Variants in ME3 observed in about 807,000 individuals in gnomAD.
ME3 encodes the protein malic enzyme 3, also known as NADP-dependent malic enzyme, mitochondrial.
ME3 carries 48 observed loss-of-function variants against 68.9 expected under a neutral mutation model. The ratio of observed to expected loss-of-function variants is 0.70; its 90% CI spans 0.55 to 0.89. The LOEUF (loss-of-function observed/expected upper bound fraction) is 0.89, where lower values mean the gene tolerates loss of function less well. Among genes scored for constraint, ME3 ranks in the 40% least tolerant of loss-of-function variants. The pLI is 0.00. For missense variants in ME3, 675 were observed against 797.4 expected (o/e 0.85, Z 1.85); for synonymous variants, 320 against 318.8 (o/e 1.00, Z -0.04).
chr11:86,634,367 C>T (rs1944202607), intron 2 of ME3, among the ~76,000 whole-genome samples: 1 of 152,170 alleles, frequency 6.6e-6, no homozygotes, highest in Admixed American at 6.5e-5. Flanking sequence ...CTCCTGACAT[C>T]CTGGTTGTGA....
chr11:86,585,065 C>G (rs1478542048), intron 2 of ME3, among the ~76,000 whole-genome samples: 1 of 152,096 alleles, frequency 6.6e-6, no homozygotes, highest in Non-Finnish European at 1.5e-5. Flanking sequence ...TGTTGAGCAG[C>G]TTTCTAGGCA....
At chr11:86,618,759 C>A (rs1017334220) in intron 2 of ME3, among the ~76,000 whole-genome samples, 7 of 151,508 alleles carry the variant, frequency 4.6e-5, no homozygotes, top group African/African-American at 1.7e-4. Context: ...ACTCTGTCAC[C>A]CAGGCTGGAG....
At chr11:86,540,612 TAA>T (rs1400560365) in intron 4 of ME3, among the ~76,000 whole-genome samples, 1 of 152,154 alleles carries the variant, frequency 6.6e-6, no homozygotes, top group East Asian at 1.9e-4. Context: ...AGTTCATAGA[TAA>T]AGATTTCAAT....
intron 2 of ME3, among the ~76,000 whole-genome samples, chr11:86,646,769 A>C (rs1945044766): frequency 6.6e-6 from 1 of 152,206 alleles, no homozygotes; most frequent in Non-Finnish European, 1.5e-5. Flanking sequence ...CCAAGATTGA[A>C]ATGAAGGAAA....
At chr11:86,634,039 T>C (rs1444385474) in intron 2 of ME3, among the ~76,000 whole-genome samples, 1 of 152,160 alleles carries the variant, frequency 6.6e-6, no homozygotes, top group African/African-American at 2.4e-5. Flanking sequence ...GTTCCATTAA[T>C]TGAGTCCCCA....
At chr11:86,537,045 C>T (rs1049436602) in intron 4 of ME3, among the ~76,000 whole-genome samples, 1 of 148,948 alleles carries the variant, frequency 6.7e-6, no homozygotes, top group Admixed American at 6.8e-5. Context: ...AACAAAAAAC[C>T]AAACACCGCA....
intron 9 of ME3, 60 bp from the exon 10 acceptor site, chr11:86,450,062 CTGA>C: frequency 1.5e-6 from 2 of 1,351,344 alleles, no homozygotes; most frequent in Non-Finnish European, 2.1e-6. Context: ...GAACATTTAT[CTGA>C]TGTCTTGCCA....
At chr11:86,557,697 G>T (rs1399174619) in intron 3 of ME3, among the ~76,000 whole-genome samples, 3 of 152,182 alleles carry the variant, frequency 2.0e-5, no homozygotes, top group Non-Finnish European at 4.4e-5. Flanking sequence ...GGTGTTTTTA[G>T]CAAGAGAGGA....
chr11:86,550,749 A>G (rs1029923657), intron 4 of ME3, among the ~76,000 whole-genome samples: 2 of 151,876 alleles, frequency 1.3e-5, no homozygotes, highest in East Asian at 1.9e-4. Context: ...TTCCCAACCA[A>G]CGGACACCTG....
downstream of ME3, chr11:86,436,892 CAGTT>C (rs561169133): frequency 1.3e-5 from 2 of 152,120 alleles, no homozygotes; most frequent in Non-Finnish European, 2.9e-5. Flanking sequence ...TGTGAACTCT[CAGTT>C]CTGCTTCATT....
intron 8 of ME3, among the ~76,000 whole-genome samples, chr11:86,461,075 T>G (rs1359375777): frequency 6.6e-6 from 1 of 152,216 alleles, no homozygotes; most frequent in East Asian, 1.9e-4. Context: ...ACACCCACAC[T>G]GTTTCAGCAG....
chr11:86,644,891 T>C (rs926607242), intron 2 of ME3, among the ~76,000 whole-genome samples: 2 of 152,096 alleles, frequency 1.3e-5, no homozygotes, highest in African/African-American at 4.8e-5. Context: ...GGTTAGACAG[T>C]GGGTGCAGCC....
intron 2 of ME3, among the ~76,000 whole-genome samples, chr11:86,587,744 C>T (rs921701035): frequency 6.6e-6 from 1 of 152,190 alleles, no homozygotes; most frequent in Non-Finnish European, 1.5e-5. Flanking sequence ...CATAAAATTA[C>T]TGTAACTAAG....
At chr11:86,560,726 ATGTGTG>A (rs763026313) in intron 2 of ME3, among the ~76,000 whole-genome samples, 1 of 106,074 alleles carries the variant, frequency 9.4e-6, no homozygotes, top group Non-Finnish European at 1.8e-5. Context: ...GTGTGTGTGT[ATGTGTG>A]TGTGTGTGTG....
chr11:86,472,032 G>T (rs1950810694), intron 7 of ME3, among the ~76,000 whole-genome samples: 1 of 152,160 alleles, frequency 6.6e-6, no homozygotes. Flanking sequence ...GGCTTCACAG[G>T]GCAGGAGATT....
At chr11:86,631,326 T>C (rs1944000222) in intron 2 of ME3, among the ~76,000 whole-genome samples, 1 of 152,108 alleles carries the variant, frequency 6.6e-6, no homozygotes, top group South Asian at 2.1e-4. Flanking sequence ...CTTGGTGAGA[T>C]GTAGCTCATT....
At chr11:86,493,861 A>G (rs887585871) in intron 6 of ME3, among the ~76,000 whole-genome samples, 7 of 152,176 alleles carry the variant, frequency 4.6e-5, no homozygotes, top group Non-Finnish European at 8.8e-5. Context: ...GAGTTTTTAT[A>G]GAGACATACA....
intron 2 of ME3, among the ~76,000 whole-genome samples, chr11:86,671,037 A>C (rs939830241): frequency 6.6e-6 from 1 of 152,234 alleles, no homozygotes; most frequent in Non-Finnish European, 1.5e-5. Context: ...ACTAAACTCT[A>C]TTCCCAAAAA....
intron 11 of ME3, 38 bp downstream of exon 11, chr11:86,448,112 T>C (rs1263096258): frequency 2.1e-6 from 3 of 1,445,558 alleles, no homozygotes; most frequent in South Asian, 2.3e-5. Context: ...TCAAGAGGGT[T>C]AGCTGGGCTG....
Sources: allele counts gnomAD v4.1 joint callset (sites outside exome capture counted in the v4.1 genomes callset), GRCh38; gene constraint gnomAD v4.1.1; transcripts MANE v1.5; gene names NCBI Gene and HGNC (gene_info 2026-07-23, HGNC 2026-07-21).